Variants in PCDHA5 observed in about 807,000 individuals in gnomAD.
PCDHA5 encodes protocadherin alpha 5.
In PCDHA5, 43 loss-of-function variants were observed where a neutral mutation model predicts 61.6. The ratio of observed to expected loss-of-function variants is 0.70; its 90% CI spans 0.55 to 0.90. The LOEUF is 0.90. PCDHA5 is among the 40% of genes least tolerant of loss of function. The pLI, the probability that PCDHA5 is intolerant of heterozygous loss-of-function variation, is 0.00. For missense variants in PCDHA5, 1,298 were observed against 1,222.7 expected, an observed-to-expected ratio of 1.06 and a Z score of -0.92; for synonymous variants, 627 against 543.9, an observed-to-expected ratio of 1.15 and a Z score of -2.13.
chr5:140,938,468 A>G (rs1427570517), intron 1 of PCDHA5, among the ~76,000 whole-genome samples: 1 of 152,096 alleles, frequency 6.6e-6, no homozygotes, highest in African/African-American at 2.4e-5. Context: ...TTAATTTATT[A>G]TGTTTTTTAA....
At chr5:140,882,175 G>A in intron 1 of PCDHA5, 1 of 1,515,150 alleles carries the variant, frequency 6.6e-7, no homozygotes. Flanking sequence ...GAATCCTTCC[G>A]CACTAGGAAG....
intron 1 of PCDHA5, among the ~76,000 whole-genome samples, chr5:140,838,075 A>AGTGTGTG (rs781914509): frequency 1.3e-4 from 17 of 128,240 alleles, no homozygotes; most frequent in East Asian, 1.2e-3. Flanking sequence ...TTATATATAT[A>AGTGTGTG]TAGTGTGTGT....
chr5:140,892,180 T>G (rs1176959692), intron 1 of PCDHA5, among the ~76,000 whole-genome samples: 1 of 152,224 alleles, frequency 6.6e-6, no homozygotes, highest in Non-Finnish European at 1.5e-5. Flanking sequence ...GGGATCCTCA[T>G]GGGTCTATTC....
chr5:140,857,140 G>A, intron 1 of PCDHA5: 1 of 1,598,276 alleles, frequency 6.3e-7, no homozygotes, highest in Non-Finnish European at 8.6e-7. Context: ...ATGCTCAAGT[G>A]GGCACCGTCA....
intron 1 of PCDHA5, chr5:140,927,606 C>T: frequency 6.2e-7 from 1 of 1,614,202 alleles, no homozygotes; most frequent in Non-Finnish European, 8.5e-7. Context: ...GCTCCGTATA[C>T]CGCACCAAGG....
chr5:140,883,980 G>A, intron 1 of PCDHA5: 1 of 1,612,872 alleles, frequency 6.2e-7, no homozygotes, highest in Non-Finnish European at 8.5e-7. Context: ...CCCGGGGCTG[G>A]CAGCGCGGGA....
rs2150120995 is a variant in PCDHA5, at chr5:140,822,981, T to C, written c.1206T>C (p.Asn402=). ...TCAAGCTGGTGTCCACCTTCAAGAA[T>C]TACTACTCGTTGGTGCTGGACAGCG... is the stretch of plus-strand genomic sequence containing the variant. ...VPFKLVSTFK[N]YYSLVLDSAL... is the part of the protein sequence containing the mutation. The change falls in exon 1 of 4, where the codon AAT becomes AAC. Residue 402 remains asparagine, a synonymous_variant. Transcript: ENST00000529859. The C allele has an allele frequency of 1.4e-5, 23 of 1,614,242 alleles. No homozygotes were observed. The East Asian group carries it at 5.1e-4, about 36-fold the overall frequency.
At chr5:141,007,306 T>C (rs1050571899) in intron 3 of PCDHA5, among the ~76,000 whole-genome samples, 8 of 151,500 alleles carry the variant, frequency 5.3e-5, no homozygotes, top group Admixed American at 3.3e-4. Context: ...ATCTTAGCAT[T>C]TTGGGAGGCT....
At chr5:140,829,087 TC>T in intron 1 of PCDHA5, 2 of 1,611,204 alleles carry the variant, frequency 1.2e-6, no homozygotes, top group South Asian at 2.2e-5. Flanking sequence ...CCATGGCGGG[TC>T]ATTGCACCGT....
chr5:140,956,678 A>C (rs1442214825), intron 1 of PCDHA5, among the ~76,000 whole-genome samples: 2 of 152,104 alleles, frequency 1.3e-5, no homozygotes, highest in Non-Finnish European at 2.9e-5. Context: ...GTTAGGGAGG[A>C]GTACCTCCTT....
At chr5:140,848,448 T>C (rs2150410519) in intron 1 of PCDHA5, 3 of 1,511,550 alleles carry the variant, frequency 2.0e-6, no homozygotes, top group African/African-American at 1.4e-5. Flanking sequence ...TGATTTCTTC[T>C]AATTTGGAGG....
Position 140,884,301 on chromosome 5 carries a change from C to T in PCDHA5, c.2352+60174C>T, listed in dbSNP as rs375535055. On this transcript the variant is annotated intron_variant, in intron 1 of 3. Transcript: ENST00000529859. ...GTGGAGAGCGGCCAAGCGCCACAGG[C>T]TTCGTCGAGGGCGTCGGCAGGCGCT... 4.3e-6 allele frequency: 7 copies of T among 1,613,608 alleles called. No homozygotes were observed. The African/African-American group carries it at 8.0e-5, about 18-fold the overall frequency.
intron 1 of PCDHA5, chr5:140,830,430 C>T (rs1483777919): frequency 3.7e-6 from 6 of 1,613,592 alleles, no homozygotes; most frequent in Non-Finnish European, 5.1e-6. Flanking sequence ...TCACCTTGTC[C>T]TATTATGATG....
intron 1 of PCDHA5, among the ~76,000 whole-genome samples, chr5:140,910,929 A>G (rs2075237197): frequency 6.6e-6 from 1 of 152,176 alleles, no homozygotes; most frequent in Admixed American, 6.5e-5. Flanking sequence ...TATAAATAAG[A>G]AAGCTCAAGC....
At chr5:140,904,187 C>T (rs1554191348) in intron 1 of PCDHA5, among the ~76,000 whole-genome samples, 1 of 151,982 alleles carries the variant, frequency 6.6e-6, no homozygotes, top group Non-Finnish European at 1.5e-5. Context: ...ACCCCCTTCC[C>T]ACCCTTTCCC....
At chr5:140,898,706 G>T (rs1554188200) in intron 1 of PCDHA5, among the ~76,000 whole-genome samples, 1 of 152,170 alleles carries the variant, frequency 6.6e-6, no homozygotes, top group Admixed American at 6.5e-5. Context: ...CTTTAAAGTA[G>T]TTTTTTCCAA....
At position 140,856,908 on chromosome 5, in the gene PCDHA5, C is replaced by G. The variant is rs1319775845; in HGVS notation, c.2352+32781C>G. 7 of 1,595,460 alleles carry G rather than the reference C, an allele frequency of 4.4e-6. 1 individual carries two copies. The African/African-American group carries it at 9.4e-5, about 22-fold the overall frequency. On this transcript the variant is annotated intron_variant, in intron 1 of 3. Coordinates refer to ENST00000529859, the MANE Select transcript of PCDHA5 (RefSeq NM_018908.3). ...TCATTTAGCTCTTTGGTCCCACCCA[C>G]GATAAGAAGGAAATTTTGGATAAAC...
At chr5:140,906,757 A>G (rs554698266) in intron 1 of PCDHA5, among the ~76,000 whole-genome samples, 2 of 152,346 alleles carry the variant, frequency 1.3e-5, no homozygotes, top group South Asian at 4.1e-4. Flanking sequence ...GCATGGTAAT[A>G]CTAAGAGACA....
At position 140,857,211 on chromosome 5, in the gene PCDHA5, T is replaced by C; in HGVS notation, c.2352+33084T>C. 5 of 1,598,632 alleles carry C rather than the reference T, an allele frequency of 3.1e-6. 1 individual carries two copies. Among genetic ancestry groups the C allele is most frequent in the Non-Finnish European group, 4.3e-6 (5 of 1,167,976 alleles). On this transcript the variant is annotated intron_variant, in intron 1 of 3. Coordinates refer to ENST00000529859, the MANE Select transcript of PCDHA5 (RefSeq NM_018908.3). ...GCCAACGGACAGGTCACCTGCTCTCTGACGCCTCACGTTCCGTTCAAGCTG... is the reference window on the plus strand; with the variant it reads ...GCCAACGGACAGGTCACCTGCTCTCCGACGCCTCACGTTCCGTTCAAGCTG...
Sources: allele counts gnomAD v4.1 joint callset (sites outside exome capture counted in the v4.1 genomes callset), GRCh38; gene constraint gnomAD v4.1.1; transcripts MANE v1.5; gene names NCBI Gene and HGNC (gene_info 2026-07-23, HGNC 2026-07-21).